SORCS3: variants seen among roughly 807,000 people sequenced by gnomAD.
SORCS3 encodes the protein VPS10 domain-containing receptor SorCS3.
A neutral mutation model predicts 146.3 loss-of-function variants in SORCS3; 57 were observed. The observed-to-expected ratio is 0.39, with a 90% CI of 0.31 to 0.49. SORCS3 has a LOEUF of 0.49. SORCS3 is among the 20% of genes least tolerant of loss of function. The pLI, the probability that SORCS3 is intolerant of heterozygous loss-of-function variation, is 0.92. For missense variants in SORCS3, 1,341 were observed against 1,575.5 expected, an observed-to-expected ratio of 0.85 and a Z score of 2.52; for synonymous variants, 653 against 618.5, an observed-to-expected ratio of 1.06 and a Z score of -0.83.
chr10:104,907,219 CA>C (rs2018915587), intron 2 of SORCS3, among the ~76,000 whole-genome samples: 1 of 151,894 alleles, frequency 6.6e-6, no homozygotes, highest in Non-Finnish European at 1.5e-5. Flanking sequence ...AACAGAGATG[CA>C]GTGAATTATG....
At chr10:105,104,729 T>C (rs1368975389) in intron 6 of SORCS3, among the ~76,000 whole-genome samples, 1 of 152,242 alleles carries the variant, frequency 6.6e-6, no homozygotes, top group Admixed American at 6.5e-5. Context: ...CTTTAAACAT[T>C]GTTCTGTGCA....
At chr10:105,087,109 G>C (rs2055667051) in intron 5 of SORCS3, among the ~76,000 whole-genome samples, 1 of 152,154 alleles carries the variant, frequency 6.6e-6, no homozygotes, top group Non-Finnish European at 1.5e-5. Flanking sequence ...TTTTGTATAA[G>C]GTGTAAGGAA....
At chr10:104,975,641 C>T (rs1175520423) in intron 3 of SORCS3, among the ~76,000 whole-genome samples, 18 of 152,166 alleles carry the variant, frequency 1.2e-4, no homozygotes, top group Non-Finnish European at 1.9e-4. Flanking sequence ...GGAGGCATCA[C>T]GTTACCTGAC....
chr10:105,048,804 A>G (rs73340274), intron 5 of SORCS3, among the ~76,000 whole-genome samples: 8,973 of 152,054 alleles, frequency 0.059, 287 homozygotes, highest in Middle Eastern at 0.088. Context: ...TTGTATGCAT[A>G]TGTTCTTTTA....
chr10:105,135,909 T>C (rs1274908408), intron 7 of SORCS3, among the ~76,000 whole-genome samples: 1 of 152,214 alleles, frequency 6.6e-6, no homozygotes, highest in African/African-American at 2.4e-5. Context: ...TTTCTAAGGA[T>C]ACTTAAGTTC....
At chr10:105,113,658 G>A (rs1447093226) in intron 7 of SORCS3, among the ~76,000 whole-genome samples, 3 of 152,146 alleles carry the variant, frequency 2.0e-5, no homozygotes, top group Admixed American at 1.3e-4. Context: ...TTGACTAGGA[G>A]GTAAAGGTAG....
At chr10:104,662,051 CTG>C (rs2015709518) in intron 1 of SORCS3, among the ~76,000 whole-genome samples, 1 of 152,096 alleles carries the variant, frequency 6.6e-6, no homozygotes, top group African/African-American at 2.4e-5. Context: ...TAACAGAAAA[CTG>C]TGATGAAGAG....
chr10:104,780,312 T>C (rs376842435), intron 1 of SORCS3, among the ~76,000 whole-genome samples: 108 of 152,138 alleles, frequency 7.1e-4, no homozygotes, highest in African/African-American at 2.3e-3. Flanking sequence ...TCTCTTGTGG[T>C]GTGACTTGTG....
chr10:104,903,999 A>G (rs2018878756), intron 2 of SORCS3, among the ~76,000 whole-genome samples: 1 of 152,222 alleles, frequency 6.6e-6, no homozygotes, highest in Non-Finnish European at 1.5e-5. Context: ...GGTTATTGTT[A>G]TTTTAAAATG....
rs907782732 is a variant in SORCS3 at position 104,803,328 on chromosome 10, T to C, written c.628-39464T>C. On this transcript the variant is annotated intron_variant, in intron 1 of 26. Coordinates refer to ENST00000369701, the MANE Select transcript of SORCS3 (RefSeq NM_014978.3). ...GAGGGAGGAGAGCTGGTAGTCTCTG[T>C]TACAGATCCCAAGACTCTGTTAAGT... Among the ~76,000 whole-genome samples, 5 of 152,146 alleles carry C rather than the reference T, an allele frequency of 3.3e-5. No homozygotes were observed. The East Asian group carries it at 9.6e-4, about 29-fold the overall frequency.
intron 13 of SORCS3, among the ~76,000 whole-genome samples, chr10:105,167,915 T>A (rs1455708077): frequency 6.6e-6 from 1 of 152,142 alleles, no homozygotes; most frequent in Non-Finnish European, 1.5e-5. Context: ...CTATGGACTC[T>A]GCTGAAAACC....
At chr10:104,913,234 G>A (rs1564711807) in intron 2 of SORCS3, among the ~76,000 whole-genome samples, 1 of 152,184 alleles carries the variant, frequency 6.6e-6, no homozygotes, top group Non-Finnish European at 1.5e-5. Flanking sequence ...GGATGAATGG[G>A]GGAGGGAGAA....
At chr10:105,141,162 C>T (rs138519666) in intron 8 of SORCS3, among the ~76,000 whole-genome samples, 47 of 152,260 alleles carry the variant, frequency 3.1e-4, no homozygotes, top group African/African-American at 1.1e-3. Flanking sequence ...AGTGTGGCTG[C>T]AGGTGGGGAC....
intron 4 of SORCS3, among the ~76,000 whole-genome samples, chr10:105,005,787 C>T (rs576852198): frequency 3.3e-5 from 5 of 152,248 alleles, no homozygotes; most frequent in Admixed American, 6.5e-5. Flanking sequence ...ATTATCAGCC[C>T]GGATCTCTCC....
Position 105,039,233 on chromosome 10 carries a change from A to C in SORCS3, c.955-3822A>C, listed in dbSNP as rs1188920680. Among the ~76,000 whole-genome samples the C allele has an allele frequency of 3.9e-5, 6 of 152,260 alleles. No individual in the cohort carries two copies. The East Asian group carries it at 1.2e-3, about 29-fold the overall frequency. ...AATAAAATATGTTTCAGACTCAGCA[A>C]CTTACTGCAGATTGAGAGACAAGGT... On this transcript the variant is annotated intron_variant, in intron 4 of 26. Transcript: ENST00000369701.
At chr10:104,906,698 C>T (rs1049754742) in intron 2 of SORCS3, among the ~76,000 whole-genome samples, 2 of 152,164 alleles carry the variant, frequency 1.3e-5, no homozygotes, top group Non-Finnish European at 1.5e-5. Flanking sequence ...TTCTTTTGGT[C>T]TGCCTTTTTG....
At chr10:104,878,444 T>C (rs976376206) in intron 2 of SORCS3, among the ~76,000 whole-genome samples, 75 of 152,322 alleles carry the variant, frequency 4.9e-4, no homozygotes, top group African/African-American at 1.7e-3. Flanking sequence ...CACTTTATTA[T>C]AGAAGGTACT....
At chr10:104,953,652 G>A (rs1483317042) in intron 3 of SORCS3, among the ~76,000 whole-genome samples, 1 of 152,182 alleles carries the variant, frequency 6.6e-6, no homozygotes, top group Non-Finnish European at 1.5e-5. Flanking sequence ...CCTCCACTGT[G>A]TGTTGGGATA....
chr10:105,053,990 A>G (rs1355066249), intron 5 of SORCS3, among the ~76,000 whole-genome samples: 1 of 152,116 alleles, frequency 6.6e-6, no homozygotes, highest in African/African-American at 2.4e-5. Flanking sequence ...TCACTATACC[A>G]CATAAAAATT....
Sources: allele counts gnomAD v4.1 joint callset (sites outside exome capture counted in the v4.1 genomes callset), GRCh38; gene constraint gnomAD v4.1.1; transcripts MANE v1.5; gene names NCBI Gene and HGNC (gene_info 2026-07-23, HGNC 2026-07-21).